The following DACH2 variants were observed in gnomAD, a reference collection of about 807,000 sequenced individuals.
DACH2 encodes the protein dachshund family transcription factor 2.
DACH2 carries 17 observed loss-of-function variants against 35.8 expected under a neutral mutation model. The observed-to-expected ratio is 0.48, with a 90% CI of 0.33 to 0.71. DACH2 has a LOEUF of 0.71. DACH2 is among the 30% of genes least tolerant of loss of function. The pLI is 0.02. For missense variants in DACH2, 469 were observed against 472.7 expected (o/e 0.99, Z 0.07); for synonymous variants, 195 against 177.3 (o/e 1.10, Z -0.79).
At chrX:86,221,523 C>G (rs1019741077) in intron 1 of DACH2, among the ~76,000 whole-genome samples, 1 of 111,078 alleles carries the variant, frequency 9.0e-6, no homozygotes, top group African/African-American at 3.3e-5. Context: ...TTTTTTTTGT[C>G]AAGACTGCTT....
At chrX:86,300,047 A>C (rs2034544817) in intron 1 of DACH2, among the ~76,000 whole-genome samples, 1 of 111,394 alleles carries the variant, frequency 9.0e-6, no homozygotes, top group Admixed American at 9.6e-5. Context: ...GGAACATTTC[A>C]AGTCCTCTGT....
chrX:86,730,928 G>C (rs183910994), intron 6 of DACH2, among the ~76,000 whole-genome samples: 37 of 111,518 alleles, frequency 3.3e-4, no homozygotes, highest in Non-Finnish European at 4.7e-4. Flanking sequence ...GTTATGGGAT[G>C]TATGCAACTG....
intron 4 of DACH2, among the ~76,000 whole-genome samples, chrX:86,666,764 A>G (rs181010103): frequency 2.4e-3 from 274 of 112,129 alleles, no homozygotes; most frequent in South Asian, 6.7e-3. Flanking sequence ...GTGTGGCAAT[A>G]CATAGGTAAG....
intron 6 of DACH2, among the ~76,000 whole-genome samples, chrX:86,739,481 A>G (rs932519108): frequency 3.6e-5 from 4 of 112,042 alleles, no homozygotes; most frequent in Admixed American, 9.5e-5. Context: ...TGAATTTTTT[A>G]GCAGAGCAAA....
chrX:86,197,598 AAGC>A (rs1434965577), intron 1 of DACH2, among the ~76,000 whole-genome samples: 1 of 111,530 alleles, frequency 9.0e-6, no homozygotes, highest in Non-Finnish European at 1.9e-5. Context: ...CAGAAAAAAA[AAGC>A]AGGGGTTCTA....
chrX:86,599,400 T>C (rs1173200804), intron 3 of DACH2, among the ~76,000 whole-genome samples: 6 of 110,822 alleles, frequency 5.4e-5, no homozygotes, highest in Non-Finnish European at 1.1e-4. Flanking sequence ...AAATTGCCTC[T>C]TTTCTTCTTT....
intron 2 of DACH2, among the ~76,000 whole-genome samples, chrX:86,468,084 C>A (rs768986799): frequency 7.2e-5 from 8 of 111,673 alleles, no homozygotes; most frequent in East Asian, 5.7e-4. Context: ...AATTCCAATT[C>A]TTTCTGAAAA....
At chrX:86,683,893 G>A (rs1237499828) in intron 4 of DACH2, among the ~76,000 whole-genome samples, 2 of 111,047 alleles carry the variant, frequency 1.8e-5, no homozygotes, top group African/African-American at 6.5e-5. Flanking sequence ...CATTTCCAAA[G>A]CCCATAGATA....
chrX:86,566,956 C>G (rs142754304), intron 3 of DACH2, among the ~76,000 whole-genome samples: 58 of 111,995 alleles, frequency 5.2e-4, no homozygotes, highest in African/African-American at 1.8e-3. Context: ...CTTCCACTTT[C>G]TTACACTTCT....
intron 3 of DACH2, among the ~76,000 whole-genome samples, chrX:86,542,348 C>T (rs2038896870): frequency 9.0e-6 from 1 of 111,278 alleles, no homozygotes; most frequent in South Asian, 3.8e-4. Flanking sequence ...TGGTGCCCTT[C>T]CCATGGTAAT....
At chrX:86,500,601 CA>C (rs1187341180) in intron 2 of DACH2, among the ~76,000 whole-genome samples, 2 of 111,628 alleles carry the variant, frequency 1.8e-5, no homozygotes, top group Non-Finnish European at 3.8e-5. Flanking sequence ...ATCTGGAACA[CA>C]ACTTATTTGA....
chrX:86,705,859 T>C (rs1019272671), intron 5 of DACH2, among the ~76,000 whole-genome samples: 1 of 111,853 alleles, frequency 8.9e-6, no homozygotes, highest in African/African-American at 3.2e-5. Flanking sequence ...CATCAACTGA[T>C]GAGTAGATAA....
intron 3 of DACH2, among the ~76,000 whole-genome samples, chrX:86,569,377 A>G (rs1185512213): frequency 9.0e-6 from 1 of 111,343 alleles, no homozygotes; most frequent in East Asian, 2.8e-4. Flanking sequence ...CACTTTCTCC[A>G]TGCTTAACCT....
chrX:86,177,434 A>G lies in DACH2; in HGVS notation c.488+28326A>G, dbSNP rs1381737094. On this transcript the variant is annotated intron_variant, in intron 1 of 11. Transcript: ENST00000373125. ...CACTTCTCACAGCTAGTCTTTGACT[A>G]CTCTTGGGATTTCTGTGACCTTAGA... Among the ~76,000 whole-genome samples the G allele has an allele frequency of 3.6e-5, 4 of 111,982 alleles. 1 individual carries two copies. The highest frequency in any genetic ancestry group is 7.5e-5 in the Non-Finnish European group (4 of 53,080).
intron 2 of DACH2, among the ~76,000 whole-genome samples, chrX:86,493,586 A>G (rs192031490): frequency 2.3e-3 from 259 of 111,631 alleles, no homozygotes; most frequent in African/African-American, 7.7e-3. Flanking sequence ...GTTTGTGTAC[A>G]TGCATGTGTG....
chrX:86,542,367 T>C (rs1211780365), intron 3 of DACH2, among the ~76,000 whole-genome samples: 2 of 111,309 alleles, frequency 1.8e-5, no homozygotes, highest in Non-Finnish European at 3.8e-5. Context: ...ATGAATGAAA[T>C]AATTCTAGGT....
At chrX:86,810,689 C>T (rs1219589031) in intron 7 of DACH2, among the ~76,000 whole-genome samples, 1 of 110,939 alleles carries the variant, frequency 9.0e-6, no homozygotes, top group Non-Finnish European at 1.9e-5. Flanking sequence ...GAGAAATGTG[C>T]CTTAGAAACC....
chrX:86,213,688 A>T (rs924298356), intron 1 of DACH2, among the ~76,000 whole-genome samples: 3 of 110,265 alleles, frequency 2.7e-5, no homozygotes, highest in African/African-American at 9.9e-5. Context: ...CTCTGTTCTT[A>T]TACTTCTATA....
intron 3 of DACH2, among the ~76,000 whole-genome samples, chrX:86,638,903 A>G (rs1051396160): frequency 7.1e-5 from 8 of 112,307 alleles, no homozygotes; most frequent in Non-Finnish European, 1.5e-4. Context: ...CAGTCCCACA[A>G]CTGGGTATCT....
Sources: gnomAD v4.1 joint callset for allele counts (sites outside exome capture counted in the v4.1 genomes callset) on GRCh38, gnomAD v4.1.1 for gene constraint, MANE v1.5 for transcripts, NCBI Gene and HGNC (gene_info 2026-07-23, HGNC 2026-07-21) for gene names.